FILIP1L: variants seen among roughly 807,000 people sequenced by gnomAD.
The protein encoded by FILIP1L is filamin A-interacting protein 1-like.
In FILIP1L, 55 loss-of-function variants were observed where a neutral mutation model predicts 96.6. The ratio of observed to expected loss-of-function variants is 0.57; its 90% CI spans 0.46 to 0.71. The LOEUF is 0.71. Among genes scored for constraint, FILIP1L ranks in the 30% least tolerant of loss-of-function variants. FILIP1L has a pLI of 0.00. For missense variants in FILIP1L, 1,304 were observed against 1,321.2 expected, an observed-to-expected ratio of 0.99 and a Z score of 0.20; for synonymous variants, 467 against 473.9, an observed-to-expected ratio of 0.99 and a Z score of 0.19.
At position 100,109,751 on chromosome 3, in the gene FILIP1L, T is replaced by C. The variant is rs1272888508; in HGVS notation, c.-11+4302A>G. Among the ~76,000 whole-genome samples, 3 of 152,156 alleles carry C rather than the reference T, an allele frequency of 2.0e-5. No homozygotes were observed. The East Asian group carries it at 5.8e-4, about 29-fold the overall frequency. On this transcript the variant is annotated intron_variant, in intron 1 of 5. Transcript: ENST00000477258. ...GGTTGTTTCCAGGTTTTGGCAATTA[T>C]GAATGAAGCCACTGTAAATATTGTT...
chr3:100,043,789 C>T (rs2065241424), intron 1 of FILIP1L, among the ~76,000 whole-genome samples: 1 of 152,164 alleles, frequency 6.6e-6, no homozygotes, highest in South Asian at 2.1e-4. Flanking sequence ...CATCACCTCA[C>T]CAACTTATTT....
chr3:99,993,263 T>TGC (rs1709575956), intron 1 of FILIP1L, among the ~76,000 whole-genome samples: 3 of 152,120 alleles, frequency 2.0e-5, no homozygotes, highest in Admixed American at 1.3e-4. Flanking sequence ...ATAATATTGA[T>TGC]TCTTCAATCT....
intron 1 of FILIP1L, among the ~76,000 whole-genome samples, chr3:100,059,696 G>A (rs1023944919): frequency 1.3e-5 from 2 of 152,170 alleles, no homozygotes. Context: ...GCCTGAAGAA[G>A]TCAGTCATTA....
intron 1 of FILIP1L, among the ~76,000 whole-genome samples, chr3:99,965,909 A>C (rs1295493296): frequency 6.6e-6 from 1 of 152,088 alleles, no homozygotes; most frequent in African/African-American, 2.4e-5. Context: ...CCATTTCTGT[A>C]CATAAGGCAG....
At chr3:99,958,662 A>G (rs1488945745) in intron 1 of FILIP1L, among the ~76,000 whole-genome samples, 1 of 152,164 alleles carries the variant, frequency 6.6e-6, no homozygotes, top group Non-Finnish European at 1.5e-5. Context: ...GCAGGAGAAG[A>G]AGAGAGCTGG....
At chr3:99,863,884 C>T (rs1944381414) in intron 4 of FILIP1L, among the ~76,000 whole-genome samples, 1 of 152,178 alleles carries the variant, frequency 6.6e-6, no homozygotes, top group African/African-American at 2.4e-5. Flanking sequence ...ACAAAAGTAG[C>T]TTACAAACAC....
At chr3:99,890,726 C>G (rs1186809107) in intron 4 of FILIP1L, among the ~76,000 whole-genome samples, 4 of 150,888 alleles carry the variant, frequency 2.7e-5, no homozygotes, top group Admixed American at 2.6e-4. Context: ...TACCAATCCG[C>G]TGTTTTTTTT....
intron 4 of FILIP1L, among the ~76,000 whole-genome samples, chr3:99,903,530 G>C (rs141643019): frequency 0.024 from 3,696 of 152,238 alleles, 84 homozygotes; most frequent in East Asian, 0.13. Context: ...GATTACAGGC[G>C]TGAGCCACCG....
intron 1 of FILIP1L, among the ~76,000 whole-genome samples, chr3:99,966,988 G>A (rs1250713526): frequency 1.3e-5 from 2 of 152,238 alleles, no homozygotes; most frequent in East Asian, 1.9e-4. Context: ...TTGGATGGCT[G>A]TTAGGTGATC....
At chr3:100,013,436 G>T (rs1710226393) in intron 1 of FILIP1L, among the ~76,000 whole-genome samples, 1 of 151,302 alleles carries the variant, frequency 6.6e-6, no homozygotes, top group South Asian at 2.1e-4. Flanking sequence ...TAGAGACCGG[G>T]TTTCCCCATG....
chr3:99,870,710 A>T (rs181435706), intron 4 of FILIP1L, among the ~76,000 whole-genome samples: 49 of 152,360 alleles, frequency 3.2e-4, no homozygotes, highest in African/African-American at 1.2e-3. Flanking sequence ...TTGACATTGG[A>T]GTAACTTTGA....
intron 1 of FILIP1L, among the ~76,000 whole-genome samples, chr3:99,992,639 C>A (rs1383417115): frequency 1.3e-5 from 2 of 151,662 alleles, no homozygotes; most frequent in African/African-American, 4.8e-5. Context: ...TTGATTATTT[C>A]TTTTGGTATA....
At chr3:100,001,393 A>C (rs1302315872) in intron 1 of FILIP1L, among the ~76,000 whole-genome samples, 1 of 152,202 alleles carries the variant, frequency 6.6e-6, no homozygotes, top group Admixed American at 6.5e-5. Context: ...AAATATTACT[A>C]TCTGGCTTTT....
At chr3:99,867,280 T>C (rs915611642) in intron 4 of FILIP1L, among the ~76,000 whole-genome samples, 1 of 152,188 alleles carries the variant, frequency 6.6e-6, no homozygotes, top group African/African-American at 2.4e-5. Context: ...ATGTTCTGTT[T>C]GTGGCAGTTA....
At chr3:99,943,461 T>G (rs936734103) in intron 1 of FILIP1L, among the ~76,000 whole-genome samples, 1 of 152,176 alleles carries the variant, frequency 6.6e-6, no homozygotes, top group Non-Finnish European at 1.5e-5. Flanking sequence ...CCCAAAACTT[T>G]GAGAGGCCAA....
chr3:100,056,380 AC>A (rs2065464009), intron 1 of FILIP1L, among the ~76,000 whole-genome samples: 2 of 152,204 alleles, frequency 1.3e-5, no homozygotes, highest in South Asian at 4.1e-4. Flanking sequence ...CTTTTTAGAA[AC>A]TTACAGCCTA....
intron 1 of FILIP1L, among the ~76,000 whole-genome samples, chr3:100,076,380 G>A (rs180958261): frequency 2.0e-5 from 3 of 152,326 alleles, no homozygotes; most frequent in East Asian, 3.9e-4. Flanking sequence ...TAACTGAGCT[G>A]TTTTTACTCA....
At chr3:99,865,766 A>T (rs890168897) in intron 4 of FILIP1L, among the ~76,000 whole-genome samples, 4 of 151,800 alleles carry the variant, frequency 2.6e-5, no homozygotes, top group African/African-American at 9.7e-5. Context: ...ATATATATAT[A>T]TATATCCTTA....
chr3:100,080,923 G>T (rs1431376558), intron 1 of FILIP1L, among the ~76,000 whole-genome samples: 1 of 152,172 alleles, frequency 6.6e-6, no homozygotes, highest in African/African-American at 2.4e-5. Context: ...CTGTCCTAAA[G>T]GATGAGTTGA....
Sources: allele counts gnomAD v4.1 joint callset (sites outside exome capture counted in the v4.1 genomes callset), GRCh38; gene constraint gnomAD v4.1.1; transcripts MANE v1.5; gene names NCBI Gene and HGNC (gene_info 2026-07-23, HGNC 2026-07-21).